The following MTPAP variants were observed in gnomAD, a reference collection of about 807,000 sequenced individuals.
MTPAP encodes mitochondrial poly(A) polymerase.
MTPAP carries 23 observed loss-of-function variants against 48.7 expected under a neutral mutation model. That is an observed-to-expected ratio of 0.47 (90% CI 0.34 to 0.67). The LOEUF (loss-of-function observed/expected upper bound fraction) is 0.67. Among genes scored for constraint, MTPAP ranks in the 30% least tolerant of loss-of-function variants. The pLI is 0.01. For missense variants in MTPAP, 614 were observed against 694.3 expected (o/e 0.88, Z 1.30); for synonymous variants, 257 against 254.1 (o/e 1.01, Z -0.11).
intron 4 of MTPAP, among the ~76,000 whole-genome samples, chr10:30,334,493 T>C (rs1297521617): frequency 3.3e-5 from 5 of 151,846 alleles, no homozygotes; most frequent in Admixed American, 2.0e-4. Flanking sequence ...AAATCCCATC[T>C]CTATTAAAAA....
intron 2 of MTPAP, among the ~76,000 whole-genome samples, chr10:30,340,652 C>T (rs779861771): frequency 4.6e-5 from 7 of 152,176 alleles, no homozygotes; most frequent in Admixed American, 1.3e-4. Context: ...GGCGCAGTGG[C>T]TCACGCTTGT....
chr10:30,344,278 T>C (rs1241796480), intron 1 of MTPAP, among the ~76,000 whole-genome samples: 3 of 152,184 alleles, frequency 2.0e-5, no homozygotes, highest in Admixed American at 6.5e-5. Context: ...ATCTATGTCT[T>C]CTTCCTTCTG....
At chr10:30,346,640 C>G (rs938577829) in intron 1 of MTPAP, among the ~76,000 whole-genome samples, 9 of 152,198 alleles carry the variant, frequency 5.9e-5, no homozygotes, top group African/African-American at 2.2e-4. Flanking sequence ...TGGGTAGCCT[C>G]CTGCAGTTTA....
At chr10:30,324,941 A>T (rs1003675950) in intron 5 of MTPAP, among the ~76,000 whole-genome samples, 1 of 152,044 alleles carries the variant, frequency 6.6e-6, no homozygotes, top group Non-Finnish European at 1.5e-5. Flanking sequence ...CAGTGAGCCA[A>T]GATTGCGGCA....
rs570052537 is a variant in MTPAP, at chr10:30,313,850, C to T, written c.1508G>A (p.Arg503Gln). 2.0e-5 allele frequency: 33 copies of T among 1,614,020 alleles called. No homozygotes were observed. The African/African-American group carries it at 3.2e-4, about 16-fold the overall frequency. ...SQLQKFVDLA[R>Q]ESAWILQQED... ...CTGTTGTAAAATCCAGGCACTTTCT[C>T]GGGCCAAATCTACAAATTTTTGCAG... The change falls in exon 9 of 9, where the codon CGA becomes CAA. Residue 503 changes from arginine to glutamine, a missense_variant. This residue lies in a region of MTPAP where 109 missense variants were observed against 100.5 expected (regional missense o/e 1.08). Transcript: ENST00000263063.
chr10:30,322,251 G>T, intron 6 of MTPAP, 140 bp downstream of exon 6: 1 of 734,668 alleles, frequency 1.4e-6, no homozygotes, highest in Non-Finnish European at 2.3e-6. Flanking sequence ...CTGCTCTCGT[G>T]ACTCCGGTAG....
chr10:30,347,662 C>A (rs1181342851), intron 1 of MTPAP, among the ~76,000 whole-genome samples: 1 of 152,166 alleles, frequency 6.6e-6, no homozygotes, highest in East Asian at 1.9e-4. Context: ...GAGGCCAAGG[C>A]AGGCAGATCA....
chr10:30,322,453 A>T lies in MTPAP; in HGVS notation c.1157T>A (p.Phe386Tyr). The change falls in exon 6 of 9, where the codon TTT becomes TAT. Residue 386 changes from phenylalanine to tyrosine, a missense_variant. Phe to Tyr is a conservative substitution (Grantham distance 22). Coordinates refer to ENST00000263063, the MANE Select transcript of MTPAP (RefSeq NM_018109.4). ...TNFSLTMMVI[F>Y]FLQRRSPPIL... ...AGGGGGTGATCTTCTCTGGAGAAAA[A>T]AGATGACCATCATTGTAAGGGAGAA... The T allele has an allele frequency of 6.2e-7, 1 of 1,613,856 alleles. No individual in the cohort carries two copies. Among genetic ancestry groups the T allele is most frequent in the South Asian group, 1.1e-5 (1 of 91,078 alleles).
intron 3 of MTPAP, among the ~76,000 whole-genome samples, chr10:30,338,477 C>G (rs370753744): frequency 2.6e-5 from 4 of 151,884 alleles, no homozygotes; most frequent in African/African-American, 9.7e-5. Context: ...AGTTAGAGAC[C>G]AGCCTGGCCA....
rs549411489 is a variant in MTPAP at position 30,325,126 on chromosome 10, GA to G, written c.992+1297del. On this transcript the variant is annotated intron_variant, in intron 5 of 8. Coordinates refer to ENST00000263063, the MANE Select transcript of MTPAP (RefSeq NM_018109.4). Reference sequence around the variant, plus strand: ...AAAGTATAAGGTATCTTGATATAAAGAAAAAAACATAATTACAAAGATAAAT... The same window carrying G: ...AAAGTATAAGGTATCTTGATATAAAGAAAAAACATAATTACAAAGATAAAT... Among the ~76,000 whole-genome samples, 1,088 of 151,874 alleles carry G rather than the reference GA, an allele frequency of 7.2e-3. 3 individuals are homozygous for G. Among genetic ancestry groups the G allele is most frequent in the Non-Finnish European group, 9.8e-3 (663 of 67,944 alleles).
intron 4 of MTPAP, among the ~76,000 whole-genome samples, chr10:30,327,368 G>A (rs1035372886): frequency 2.0e-5 from 3 of 147,292 alleles, no homozygotes; most frequent in Non-Finnish European, 4.4e-5. Context: ...GTGTGGTGGC[G>A]GATGCCTATA....
At chr10:30,323,572 C>T (rs1009607985) in intron 5 of MTPAP, among the ~76,000 whole-genome samples, 6 of 152,090 alleles carry the variant, frequency 3.9e-5, no homozygotes, top group South Asian at 2.1e-4. Context: ...CGCAATGGCG[C>T]GATCTTGGCT....
chr10:30,343,419 AAAT>A (rs922025661), intron 1 of MTPAP, among the ~76,000 whole-genome samples: 2 of 152,024 alleles, frequency 1.3e-5, no homozygotes, highest in African/African-American at 4.8e-5. Flanking sequence ...AAAAAAAAAA[AAAT>A]CTTAAAATTC....
chr10:30,349,089 C>T, intron 1 of MTPAP, 30 bp downstream of exon 1: 1 of 1,613,516 alleles, frequency 6.2e-7, no homozygotes, highest in East Asian at 2.2e-5. Context: ...CGCTGTGGGA[C>T]GGAACTACAG....
chr10:30,324,729 C>A (rs192578034), intron 5 of MTPAP, among the ~76,000 whole-genome samples: 3 of 152,202 alleles, frequency 2.0e-5, no homozygotes, highest in South Asian at 2.1e-4. Context: ...CAAGGCCAGG[C>A]GTGGCGGCTC....
At chr10:30,345,989 C>T (rs1834869718) in intron 1 of MTPAP, among the ~76,000 whole-genome samples, 2 of 149,610 alleles carry the variant, frequency 1.3e-5, no homozygotes, top group Admixed American at 6.7e-5. Flanking sequence ...TGCACTGAGC[C>T]GAGATAGCGC....
At chr10:30,319,395 C>A (rs1840696451) in intron 6 of MTPAP, among the ~76,000 whole-genome samples, 1 of 151,966 alleles carries the variant, frequency 6.6e-6, no homozygotes, top group African/African-American at 2.4e-5. Context: ...TAAAAAAGAA[C>A]AAATTGATTA....
intron 4 of MTPAP, among the ~76,000 whole-genome samples, chr10:30,330,938 A>G (rs916780162): frequency 1.3e-5 from 2 of 152,200 alleles, no homozygotes; most frequent in Non-Finnish European, 2.9e-5. Context: ...GCTGTGACAT[A>G]TAACCTCAGC....
At chr10:30,326,708 GAA>G in intron 4 of MTPAP, 73 bp from the exon 5 acceptor site, 4 of 1,183,562 alleles carry the variant, frequency 3.4e-6, no homozygotes, top group Non-Finnish European at 5.0e-6. Context: ...TTTTGTAAAA[GAA>G]TGCTCTAAAT....
Sources: gnomAD v4.1 joint callset for allele counts (sites outside exome capture counted in the v4.1 genomes callset) on GRCh38, gnomAD v4.1.1 for gene constraint, gnomAD v4.1.1 regional missense constraint, MANE v1.5 for transcripts, NCBI Gene and HGNC (gene_info 2026-07-23, HGNC 2026-07-21) for gene names.